CLCF1: variants seen among roughly 807,000 people sequenced by gnomAD.
CLCF1 encodes the protein cardiotrophin like cytokine factor 1, also known as cardiotrophin-like cytokine factor 1.
Under a neutral mutation model 21.2 loss-of-function variants are expected in CLCF1, and 10 were observed. That is an observed-to-expected ratio of 0.47 (90% confidence interval 0.29 to 0.80). The LOEUF (loss-of-function observed/expected upper bound fraction) is 0.80, where lower values mean the gene tolerates loss of function less well. Among genes scored for constraint, CLCF1 ranks in the 30% least tolerant of loss-of-function variants. The pLI, the probability that CLCF1 is intolerant of heterozygous loss-of-function variation, is 0.09. For missense variants in CLCF1, 240 were observed against 293.4 expected, an observed-to-expected ratio of 0.82 and a Z score of 1.33; for synonymous variants, 115 against 120.5, an observed-to-expected ratio of 0.95 and a Z score of 0.30.
chr11:67,370,525 A>ACGTTTCCTGCAACAGCCCC, intron 1 of CLCF1: 1 of 922,126 alleles, frequency 1.1e-6, no homozygotes, highest in Non-Finnish European at 1.2e-6. Flanking sequence ...AGTACAGCTC[A>ACGTTTCCTGCAACAGCCCC]CGTTTCCTGC....
intron 1 of CLCF1, chr11:67,369,721 C>A (rs1277961073): frequency 1.0e-6 from 1 of 985,316 alleles, no homozygotes; most frequent in Admixed American, 6.1e-5. Flanking sequence ...GAGCTGGGAG[C>A]TAGGCTTCCT....
At chr11:67,366,809 A>T (rs2134878540) in intron 2 of CLCF1, among the ~76,000 whole-genome samples, 1 of 152,132 alleles carries the variant, frequency 6.6e-6, no homozygotes, top group East Asian at 1.9e-4. Context: ...GAAGAGGAAC[A>T]CGGGAAGAGG....
In CLCF1 at chr11:67,368,374, C is replaced by T. The variant is rs1862161169; in HGVS notation, c.17-748G>A. The T allele has an allele frequency of 5.1e-6, 5 of 985,170 alleles. No individual in the cohort carries two copies. The African/African-American group carries it at 8.7e-5, about 17-fold the overall frequency. The allele number at this position is 985,170 out of a possible 1,614,324, so 61.0% of individuals were successfully genotyped here. On this transcript the variant is annotated intron_variant, in intron 1 of 2. Coordinates refer to ENST00000312438, the MANE Select transcript of CLCF1 (RefSeq NM_013246.3). ...AAGTTGGACTTCAATGAGGCCTTTC[C>T]ATCAGCCTGCAAGGGTGGGGACAGG...
At chr11:67,374,048 TCTGC>T, upstream of CLCF1, 1 of 985,618 alleles carries the variant, frequency 1.0e-6, no homozygotes, top group Non-Finnish European at 1.2e-6. Flanking sequence ...CCAACCTACC[TCTGC>T]CTGTGCGAGG....
chr11:67,370,517 T>C (rs1021552631), intron 1 of CLCF1: 11 of 962,510 alleles, frequency 1.1e-5, no homozygotes, highest in Non-Finnish European at 1.3e-5. Flanking sequence ...AGCTAACGAG[T>C]ACAGCTCACG....
Position 67,372,300 on chromosome 11 carries a change from C to G in CLCF1, c.16+1224G>C, listed in dbSNP as rs1449588171. ...CCCGGGGGGAGGGCCAGGCTGGGAG[C>G]TGGGGGAACAGGGGTCCTCTGGGAT... is the stretch of plus-strand genomic sequence containing the variant. On this transcript the variant is annotated intron_variant, in intron 1 of 2. Transcript: ENST00000312438. The surrounding 1 kb of genome is among the most constrained non-coding windows in gnomAD (Gnocchi z 5.9). Among the ~76,000 whole-genome samples the G allele has an allele frequency of 6.6e-6, 1 of 151,908 alleles. No homozygotes were observed. The highest frequency in any genetic ancestry group is 6.5e-5 in the Admixed American group (1 of 15,278).
intron 1 of CLCF1, among the ~76,000 whole-genome samples, chr11:67,371,703 C>T (rs1862237705): frequency 6.6e-6 from 1 of 151,022 alleles, no homozygotes; most frequent in Non-Finnish European, 1.5e-5. Context: ...GAGTCCAGGG[C>T]AGTGGTGGGT....
In CLCF1 at chr11:67,365,394, G is replaced by A; in HGVS notation, c.420C>T (p.Leu140=). The change falls in exon 3 of 3, where the codon CTC becomes CTT. Residue 140 remains leucine (L), a synonymous_variant. Coordinates refer to ENST00000312438, the MANE Select transcript of CLCF1 (RefSeq NM_013246.3). This position sits in a 1 kb window ranked among gnomAD's most constrained non-coding sequence, Gnocchi z 5.0. ...CCGCAATGCTGCCCAGCAGGCCCTG[G>A]AGGCTGGTGCAGAAGTGGGCCAGGC... is the stretch of plus-strand genomic sequence containing the variant. ...RRSLAHFCTS[L]QGLLGSIAGV... The A allele has an allele frequency of 6.2e-7, 1 of 1,613,108 alleles. No individual in the cohort carries two copies. The highest frequency in any genetic ancestry group is 2.2e-5 in the East Asian group (1 of 44,872).
chr11:67,365,465 A>G lies in CLCF1; in HGVS notation c.349T>C (p.Leu117=). ...YEAYSHLLCY[L]RGLNRQAATA... ...GCAGCCTGACGGTTGAGGCCACGCA[A>G]GTAACACAGAAGGTGGCTGTAGGCC... Residue 117 remains leucine (L), a synonymous_variant, in exon 3 of 3, where the codon TTG becomes CTG. Transcript: ENST00000312438. This position sits in a 1 kb window ranked among gnomAD's most constrained non-coding sequence, Gnocchi z 5.0. The G allele has an allele frequency of 1.2e-6, 2 of 1,614,066 alleles. No individual in the cohort carries two copies. Among genetic ancestry groups the G allele is most frequent in the Admixed American group, 3.3e-5 (2 of 60,034 alleles).
chr11:67,371,707 G>A (rs530665309), intron 1 of CLCF1, among the ~76,000 whole-genome samples: 1 of 152,276 alleles, frequency 6.6e-6, no homozygotes, highest in African/African-American at 2.4e-5. Flanking sequence ...CCAGGGCAGT[G>A]GTGGGTGAAT....
At chr11:67,373,886 C>T (rs1590920030), upstream of CLCF1, 3 of 962,000 alleles carry the variant, frequency 3.1e-6, no homozygotes, top group South Asian at 1.5e-4. Flanking sequence ...CCACCCTGGG[C>T]CTCCTGGGGG....
chr11:67,365,577 C>T lies in CLCF1; in HGVS notation c.237G>A (p.Leu79=). The part of the protein sequence containing the change: ...FNEPDFNPPR[L]GAETLPRATV... ...TGGCCCTGGGCAGAGTCTCTGCCCC[C>T]AGGCGGGGAGGGTTGAAGTCTGGCT... The change falls in exon 3 of 3, where the codon CTG becomes CTA. Residue 79 remains leucine, a synonymous_variant. Coordinates refer to ENST00000312438, the MANE Select transcript of CLCF1 (RefSeq NM_013246.3). This position sits in a 1 kb window ranked among gnomAD's most constrained non-coding sequence, Gnocchi z 5.0. 1 of 1,613,798 alleles carries T rather than the reference C, an allele frequency of 6.2e-7. No individual in the cohort carries two copies. The highest frequency in any genetic ancestry group is 8.5e-7 in the Non-Finnish European group (1 of 1,179,716).
chr11:67,368,205 G>C, intron 1 of CLCF1: 1 of 985,380 alleles, frequency 1.0e-6, no homozygotes, highest in Non-Finnish European at 1.2e-6. Flanking sequence ...TGCCTTATGG[G>C]GCTTAGTTTT....
At chr11:67,369,623 C>T (rs149408915) in intron 1 of CLCF1, 133 of 985,456 alleles carry the variant, frequency 1.3e-4, no homozygotes, top group East Asian at 2.3e-4. Context: ...AATTGGGCAG[C>T]GGCCCTCCCA....
In CLCF1 at chr11:67,365,102, T is replaced by C; in HGVS notation, c.*34A>G. 1.2e-6 allele frequency: 2 copies of C among 1,611,850 alleles called. No homozygotes were observed. The highest frequency in any genetic ancestry group is 1.7e-6 in the Non-Finnish European group (2 of 1,179,774). ...TGGCTCTCACAAAGTGGGAGCAGGG[T>C]TTGAAGGGGGAGCGAAGAGGAGAAG... On this transcript the variant is annotated 3_prime_UTR_variant, in exon 3 of 3. Transcript: ENST00000312438. The surrounding 1 kb of genome is among the most constrained non-coding windows in gnomAD (Gnocchi z 5.0).
At chr11:67,370,261 G>A (rs1862200434) in intron 1 of CLCF1, 1 of 985,230 alleles carries the variant, frequency 1.0e-6, no homozygotes, top group Non-Finnish European at 1.2e-6. Context: ...ACCCAACACA[G>A]CTCGCCTGCC....
At chr11:67,368,666 T>C (rs1363369716) in intron 1 of CLCF1, 4 of 985,294 alleles carry the variant, frequency 4.1e-6, no homozygotes, top group Non-Finnish European at 3.6e-6. Context: ...ACTGGGTTAC[T>C]TTAAAAGTTT....
chr11:67,369,644 C>T (rs1050881320), intron 1 of CLCF1: 2 of 985,320 alleles, frequency 2.0e-6, no homozygotes. Context: ...GCCTTGAGGT[C>T]GCTTTCAGCA....
intron 1 of CLCF1, chr11:67,369,458 T>C: frequency 1.0e-6 from 1 of 985,392 alleles, no homozygotes; most frequent in Non-Finnish European, 1.2e-6. Flanking sequence ...CTTTCCTCAC[T>C]CTTCCTTTCT....
Sources: gnomAD v4.1 joint callset for allele counts (sites outside exome capture counted in the v4.1 genomes callset) on GRCh38, gnomAD v4.1.1 for gene constraint, Gnocchi (gnomAD v3.1) non-coding constraint, MANE v1.5 for transcripts, NCBI Gene and HGNC (gene_info 2026-07-23, HGNC 2026-07-21) for gene names.